Variants in DEFB1 observed in about 807,000 individuals in gnomAD.
The protein encoded by DEFB1 is beta-defensin 1.
A neutral mutation model predicts 2.6 loss-of-function variants in DEFB1; 4 were observed. The observed-to-expected ratio is 1.53, with a 90% confidence interval of 0.76 to 3.51. The LOEUF is 3.51. Ranked by LOEUF, DEFB1 falls within the 30% of genes most tolerant of loss-of-function variation. The pLI, the probability that DEFB1 is intolerant of heterozygous loss-of-function variation, is 0.01. For synonymous variants in DEFB1, 56 were observed against 28.5 expected (o/e 1.96, Z -3.07); for missense variants, 162 against 76.9 (o/e 2.11, Z -4.14).
chr8:6,874,589 G>C (rs1806448862), intron 1 of DEFB1, among the ~76,000 whole-genome samples: 1 of 152,206 alleles, frequency 6.6e-6, no homozygotes, highest in Non-Finnish European at 1.5e-5. Context: ...TGTCCAAATG[G>C]AATAAGATAG....
intron 1 of DEFB1, among the ~76,000 whole-genome samples, chr8:6,871,503 G>A (rs1563394862): frequency 6.6e-6 from 1 of 152,188 alleles, no homozygotes; most frequent in Non-Finnish European, 1.5e-5. Context: ...GGGACCAGCA[G>A]GCCGCCATGT....
intron 1 of DEFB1, among the ~76,000 whole-genome samples, chr8:6,874,601 G>A (rs1345045382): frequency 2.0e-5 from 3 of 152,232 alleles, no homozygotes; most frequent in Non-Finnish European, 4.4e-5. Context: ...ATAAGATAGA[G>A]TGTAGAAAGA....
chr8:6,876,346 T>C (rs5743437), intron 1 of DEFB1, among the ~76,000 whole-genome samples: 124,981 of 151,914 alleles, frequency 0.82, 51,627 homozygotes, highest in African/African-American at 0.89. Flanking sequence ...CTTGGTGGCA[T>C]GCACCTGTAA....
rs778703603 is a variant in DEFB1, at chr8:6,870,764, C to T, written c.124G>A (p.Gly42Arg). 6.2e-6 allele frequency: 10 copies of T among 1,614,106 alleles called. No individual in the cohort carries two copies. The highest frequency in any genetic ancestry group is 5.0e-5 in the Admixed American group (3 of 60,006). The change falls in exon 2 of 2, where the codon GGG (glycine) becomes AGG (arginine). Residue 42 changes from glycine (G) to arginine (R), a missense_variant. Coordinates refer to ENST00000297439, the MANE Select transcript of DEFB1 (RefSeq NM_005218.4). ...GGGCAGGCAGAATAGAGACATTGCCCTCCACTGCTGACGCAATTGTAATGA... is the reference window on the plus strand; with the variant it reads ...GGGCAGGCAGAATAGAGACATTGCCTTCCACTGCTGACGCAATTGTAATGA... ...SDHYNCVSSG[G>R]QCLYSACPIF...
rs185540927 is a variant in DEFB1, at chr8:6,872,311, G to C, written c.62-1485C>G. Among the ~76,000 whole-genome samples the C allele has an allele frequency of 2.9e-3, 447 of 152,352 alleles. 1 individual carries two copies. The highest frequency in any genetic ancestry group is 0.01 in the African/African-American group (434 of 41,584). Reference sequence around the variant, plus strand: ...TGGCAGCCACATGCTCCCTGTGGCTGTTCTCTTTTAGGTTAATTGAAATCA... The same window carrying C: ...TGGCAGCCACATGCTCCCTGTGGCTCTTCTCTTTTAGGTTAATTGAAATCA... On this transcript the variant is annotated intron_variant, in intron 1 of 1. Transcript: ENST00000297439.
Position 6,870,766 on chromosome 8 carries a change from C to G in DEFB1, c.122G>C (p.Gly41Ala). 1.9e-6 allele frequency: 3 copies of G among 1,614,208 alleles called. No individual in the cohort carries two copies. Among genetic ancestry groups the G allele is most frequent in the East Asian group, 2.2e-5 (1 of 44,886 alleles). ...GCAGGCAGAATAGAGACATTGCCCT[C>G]CACTGCTGACGCAATTGTAATGATC... Reference protein sequence around the residue: ...RSDHYNCVSSGGQCLYSACPI... With the variant: ...RSDHYNCVSSAGQCLYSACPI... Residue 41 changes from glycine to alanine, a missense_variant, in exon 2 of 2, where the codon GGA becomes GCA. Physicochemically the swap from Gly to Ala is moderately conservative, Grantham distance 60. Coordinates refer to ENST00000297439, the MANE Select transcript of DEFB1 (RefSeq NM_005218.4).
At chr8:6,874,003 G>A (rs1258044935) in intron 1 of DEFB1, among the ~76,000 whole-genome samples, 3 of 152,096 alleles carry the variant, frequency 2.0e-5, no homozygotes, top group African/African-American at 4.8e-5. Context: ...GCCTGTGTCT[G>A]TTTCTCTTAC....
chr8:6,876,613 C>G (rs539606766), intron 1 of DEFB1, among the ~76,000 whole-genome samples: 3 of 151,860 alleles, frequency 2.0e-5, no homozygotes, highest in Non-Finnish European at 1.5e-5. Flanking sequence ...CTGGTCAACA[C>G]AGTAAGACCT....
At position 6,872,857 on chromosome 8, in the gene DEFB1, T is replaced by G. The variant is rs117916990; in HGVS notation, c.62-2031A>C. 9.1e-4 allele frequency among the ~76,000 whole-genome samples: 139 copies of G among 152,324 alleles called. 2 individuals are homozygous for G. In the East Asian group the frequency reaches 0.026, roughly 29 times the overall value. ...TCTGCCAAAGTCTCCACTTTCTGCTTTAGTCTCCCTGCACTGGAGGCTCCC... is the reference window on the plus strand; with the variant it reads ...TCTGCCAAAGTCTCCACTTTCTGCTGTAGTCTCCCTGCACTGGAGGCTCCC... On this transcript the variant is annotated intron_variant, in intron 1 of 1. Transcript: ENST00000297439.
intron 1 of DEFB1, 93 bp from the exon 2 acceptor site, chr8:6,870,919 A>G (rs987257770): frequency 7.4e-7 from 1 of 1,359,784 alleles, no homozygotes; most frequent in Non-Finnish European, 1.0e-6. Context: ...TAACTGCAAA[A>G]CACCGGAGAG....
chr8:6,872,852 C>G (rs1361173507), intron 1 of DEFB1, among the ~76,000 whole-genome samples: 2 of 152,196 alleles, frequency 1.3e-5, no homozygotes, highest in Middle Eastern at 3.2e-3. Context: ...TCTCCACTTT[C>G]TGCTTTAGTC....
Position 6,870,714 on chromosome 8 carries a change from G to A in DEFB1, c.174C>T (p.Thr58=), listed in dbSNP as rs149655480. ...ACPIFTKIQG[T]CYRGKAKCCK ...AGCACTTGGCCTTCCCTCTGTAACA[G>A]GTGCCTTGAATTTTGGTAAAGATCG... The change falls in exon 2 of 2, where the codon ACC becomes ACT. Residue 58 remains threonine, a synonymous_variant. Coordinates refer to ENST00000297439, the MANE Select transcript of DEFB1 (RefSeq NM_005218.4). 3 of 1,614,094 alleles carry A rather than the reference G, an allele frequency of 1.9e-6. No homozygotes were observed. Among genetic ancestry groups the A allele is most frequent in the African/African-American group, 2.7e-5 (2 of 74,940 alleles).
intron 1 of DEFB1, among the ~76,000 whole-genome samples, chr8:6,876,985 C>G (rs1359610218): frequency 6.6e-6 from 1 of 152,060 alleles, no homozygotes; most frequent in Non-Finnish European, 1.5e-5. Context: ...CTGCTGGATA[C>G]AGTGATGGCC....
chr8:6,875,449 C>T (rs540646738), intron 1 of DEFB1, among the ~76,000 whole-genome samples: 1 of 152,112 alleles, frequency 6.6e-6, no homozygotes, highest in South Asian at 2.1e-4. Flanking sequence ...CAAAAGAAAA[C>T]ATGGACAAAA....
intron 1 of DEFB1, among the ~76,000 whole-genome samples, chr8:6,873,083 A>G (rs755480730): frequency 6.6e-6 from 1 of 152,238 alleles, no homozygotes; most frequent in Non-Finnish European, 1.5e-5. Context: ...ATGCTGATTA[A>G]GCAGAGGAGG....
intron 1 of DEFB1, among the ~76,000 whole-genome samples, chr8:6,872,590 G>C (rs1002007049): frequency 1.3e-5 from 2 of 152,118 alleles, no homozygotes; most frequent in Non-Finnish European, 2.9e-5. Context: ...GAAAAGAAGA[G>C]TTTTTTTGTG....
chr8:6,877,860 CG>C lies in DEFB1; in HGVS notation c.-4del, dbSNP rs1563399734. 1 of 1,613,848 alleles carries C rather than the reference CG, an allele frequency of 6.2e-7. No individual in the cohort carries two copies. ...AGCAGAAGGTAGGAAGTTCTCATGGCGACTGGCAGGCAACACCCAGGATTTC... is the reference window on the plus strand; with the variant it reads ...AGCAGAAGGTAGGAAGTTCTCATGGCACTGGCAGGCAACACCCAGGATTTC... On this transcript the variant is annotated 5_prime_UTR_variant, in exon 1 of 2. Coordinates refer to ENST00000297439, the MANE Select transcript of DEFB1 (RefSeq NM_005218.4).
At chr8:6,875,064 CCACACACACACACACA>C (rs61101914) in intron 1 of DEFB1, among the ~76,000 whole-genome samples, 73 of 135,724 alleles carry the variant, frequency 5.4e-4, no homozygotes, top group East Asian at 2.0e-3. Context: ...CATACCGAAG[CCACACACACACACACA>C]CACACACACA....
At chr8:6,876,093 A>G (rs1462021185) in intron 1 of DEFB1, among the ~76,000 whole-genome samples, 1 of 152,190 alleles carries the variant, frequency 6.6e-6, no homozygotes, top group Non-Finnish European at 1.5e-5. Flanking sequence ...CTCAGTAAAA[A>G]CATATGCACA....
Sources: allele counts gnomAD v4.1 joint callset (sites outside exome capture counted in the v4.1 genomes callset), GRCh38; gene constraint gnomAD v4.1.1; transcripts MANE v1.5; gene names NCBI Gene and HGNC (gene_info 2026-07-23, HGNC 2026-07-21).